CFAP52: variants seen among roughly 807,000 people sequenced by gnomAD.
CFAP52 encodes cilia and flagella associated protein 52, also known as cilia- and flagella-associated protein 52.
A neutral mutation model predicts 70.5 loss-of-function variants in CFAP52; 57 were observed. The observed-to-expected ratio is 0.81, with a 90% CI of 0.65 to 1.01. The LOEUF (loss-of-function observed/expected upper bound fraction) is 1.01, where lower values mean the gene tolerates loss of function less well. Ranked by LOEUF, CFAP52 falls within the 50% of genes least tolerant of loss-of-function variation. CFAP52 has a pLI of 0.00. For synonymous variants in CFAP52, 267 were observed against 292.5 expected (o/e 0.91, Z 0.89); for missense variants, 785 against 788.5 (o/e 1.00, Z 0.05).
At chr17:9,623,726 C>T (rs544534881) in intron 8 of CFAP52, among the ~76,000 whole-genome samples, 52 of 151,908 alleles carry the variant, frequency 3.4e-4, no homozygotes, top group Non-Finnish European at 6.9e-4. Context: ...CACTCTGTTG[C>T]CCAGGATGGA....
chr17:9,641,092 A>T (rs1156537481), intron 12 of CFAP52, among the ~76,000 whole-genome samples: 1 of 152,240 alleles, frequency 6.6e-6, no homozygotes, highest in African/African-American at 2.4e-5. Flanking sequence ...TAAGGTACAA[A>T]GGCAGTATAT....
chr17:9,598,316 A>C lies in CFAP52; in HGVS notation c.619A>C (p.Ile207Leu), dbSNP rs1316193713. The C allele has an allele frequency of 1.9e-6, 3 of 1,613,020 alleles. No individual in the cohort carries two copies. The highest frequency in any genetic ancestry group is 1.7e-5 in the Admixed American group (1 of 59,910). ...GTGCCAAACAGGACAGTTGAAAAGA[A>C]TAGTCATGAGTATTGGAGTAAGTAT... ...TECQTGQLKRIVMSIGVDDDD... is the reference protein window; with the variant it reads ...TECQTGQLKRLVMSIGVDDDD... Residue 207 changes from isoleucine to leucine, a missense_variant, in exon 5 of 14, where the codon ATA becomes CTA. Coordinates refer to ENST00000352665, the MANE Select transcript of CFAP52 (RefSeq NM_145054.5).
intron 5 of CFAP52, among the ~76,000 whole-genome samples, chr17:9,599,605 A>G (rs925334866): frequency 1.3e-4 from 20 of 152,082 alleles, no homozygotes; most frequent in South Asian, 8.3e-4. Context: ...GTTCTGACCC[A>G]TCTTTGAGCC....
chr17:9,580,439 G>A (rs993779662), intron 1 of CFAP52, among the ~76,000 whole-genome samples: 1 of 152,058 alleles, frequency 6.6e-6, no homozygotes, highest in Non-Finnish European at 1.5e-5. Context: ...TGTAATCCCA[G>A]CACTTTGGGA....
intron 4 of CFAP52, among the ~76,000 whole-genome samples, chr17:9,597,877 G>GAA (rs1487774605): frequency 2.7e-5 from 4 of 150,870 alleles, no homozygotes; most frequent in African/African-American, 4.9e-5. Context: ...AAGAAAGAAA[G>GAA]AAAAGAAAAA....
chr17:9,635,607 T>C (rs768322615), intron 11 of CFAP52, 51 bp downstream of exon 11: 14 of 1,610,012 alleles, frequency 8.7e-6, no homozygotes, highest in Middle Eastern at 1.7e-4. Context: ...AATCCAATCA[T>C]GCCAACAGTT....
intron 1 of CFAP52, 43 bp downstream of exon 1, chr17:9,576,808 G>A: frequency 6.3e-7 from 1 of 1,595,118 alleles, no homozygotes; most frequent in Non-Finnish European, 8.6e-7. Flanking sequence ...TTAGGAATTC[G>A]GAGGACGTGT....
At position 9,594,194 on chromosome 17, in the gene CFAP52, G is replaced by A. The variant is rs1311950927; in HGVS notation, c.409G>A (p.Val137Met). ...TTTTGGTCCCTCTTATTTTGGCAGT[G>A]TGGTGGTGTGGAGCATAGCCAAGAG... is the stretch of plus-strand genomic sequence containing the variant. ...VSLGGPDDGS[V>M]VVWSIAKRDA... The change falls in exon 4 of 14, where the codon GTG (valine) becomes ATG (methionine). Residue 137 changes from valine to methionine, a missense_variant and splice_region_variant. By Grantham distance (21) the Val-to-Met change is conservative. Coordinates refer to ENST00000352665, the MANE Select transcript of CFAP52 (RefSeq NM_145054.5). 1.9e-6 allele frequency: 3 copies of A among 1,596,030 alleles called. No homozygotes were observed. The highest frequency in any genetic ancestry group is 1.7e-4 in the Middle Eastern group (1 of 5,980).
At chr17:9,626,800 C>T (rs184325874) in intron 8 of CFAP52, among the ~76,000 whole-genome samples, 6 of 152,320 alleles carry the variant, frequency 3.9e-5, no homozygotes, top group African/African-American at 1.4e-4. Flanking sequence ...ATCATTATAA[C>T]TGTAACACTA....
chr17:9,609,836 C>T (rs1257295835), intron 7 of CFAP52, among the ~76,000 whole-genome samples: 1 of 152,000 alleles, frequency 6.6e-6, no homozygotes, highest in Non-Finnish European at 1.5e-5. Context: ...AGGGAGGAGT[C>T]TTTAGAACAA....
Position 9,632,874 on chromosome 17 carries a change from C to T in CFAP52, c.1175-14C>T, listed in dbSNP as rs777521115. The T allele has an allele frequency of 3.7e-6, 6 of 1,613,072 alleles. No individual in the cohort carries two copies. In the South Asian group the frequency reaches 6.6e-5, roughly 18 times the overall value. On this transcript the variant is annotated splice_polypyrimidine_tract_variant and intron_variant, in intron 9 of 13. Transcript: ENST00000352665. ...TACTGATCCTGCCTGCCTTTTGTTT[C>T]CCTTTCATGCCAGCATGGAACGACG...
chr17:9,622,721 T>G (rs991876829), intron 8 of CFAP52, among the ~76,000 whole-genome samples: 1 of 152,134 alleles, frequency 6.6e-6, no homozygotes, highest in African/African-American at 2.4e-5. Context: ...GTATAACATA[T>G]ATGCAAAATA....
At chr17:9,585,318 G>T (rs1221591341) in intron 1 of CFAP52, among the ~76,000 whole-genome samples, 1 of 152,122 alleles carries the variant, frequency 6.6e-6, no homozygotes, top group African/African-American at 2.4e-5. Context: ...GAACGTTTTT[G>T]TCAGTGAAAT....
At chr17:9,634,471 C>A (rs1306997725) in intron 10 of CFAP52, among the ~76,000 whole-genome samples, 1 of 152,110 alleles carries the variant, frequency 6.6e-6, no homozygotes, top group Non-Finnish European at 1.5e-5. Context: ...ATGGCCAAAC[C>A]CTGTCTCTAC....
chr17:9,635,357 T>C, intron 10 of CFAP52, 48 bp from the exon 11 acceptor site: 1 of 1,608,892 alleles, frequency 6.2e-7, no homozygotes, highest in Non-Finnish European at 8.5e-7. Flanking sequence ...TCCTATCCCT[T>C]CAGAAGTCCC....
intron 7 of CFAP52, among the ~76,000 whole-genome samples, chr17:9,609,682 G>C (rs1488854412): frequency 6.6e-6 from 1 of 151,976 alleles, no homozygotes; most frequent in Admixed American, 6.6e-5. Context: ...AACTCAGCCT[G>C]GGTGACAGAA....
chr17:9,584,540 T>C (rs1381247354), intron 1 of CFAP52, among the ~76,000 whole-genome samples: 1 of 152,244 alleles, frequency 6.6e-6, no homozygotes, highest in Non-Finnish European at 1.5e-5. Flanking sequence ...ACATATTCAC[T>C]TCACATAGTT....
chr17:9,621,931 C>T (rs970627399), intron 8 of CFAP52, among the ~76,000 whole-genome samples: 23 of 149,924 alleles, frequency 1.5e-4, no homozygotes, highest in Middle Eastern at 3.5e-3. Context: ...GTGCAGCGCA[C>T]CAGCATGGCA....
intron 6 of CFAP52, among the ~76,000 whole-genome samples, chr17:9,602,299 G>C (rs773841851): frequency 1.3e-5 from 2 of 151,932 alleles, no homozygotes; most frequent in South Asian, 2.1e-4. Context: ...GACAGGCCCC[G>C]GTGTGTGATG....
Sources: allele counts gnomAD v4.1 joint callset (sites outside exome capture counted in the v4.1 genomes callset), GRCh38; gene constraint gnomAD v4.1.1; transcripts MANE v1.5; gene names NCBI Gene and HGNC (gene_info 2026-07-23, HGNC 2026-07-21).